GPC5: variants seen among roughly 807,000 people sequenced by gnomAD.
The protein encoded by GPC5 is glypican 5, also known as glypican-5.
A neutral mutation model predicts 53.9 loss-of-function variants in GPC5; 47 were observed. The ratio of observed to expected loss-of-function variants is 0.87; its 90% CI spans 0.69 to 1.11. The LOEUF (loss-of-function observed/expected upper bound fraction) is 1.11, where lower values mean the gene tolerates loss of function less well. GPC5 is among the 50% of genes most tolerant of loss of function. The probability of loss-of-function intolerance (pLI) is 0.00; values close to 1 mark genes in which losing one functional copy is unlikely to be tolerated. For synonymous variants in GPC5, 286 were observed against 263.3 expected, an observed-to-expected ratio of 1.09 and a Z score of -0.84; for missense variants, 748 against 713.1, an observed-to-expected ratio of 1.05 and a Z score of -0.56.
chr13:92,285,188 G>A (rs1471718609), intron 7 of GPC5, among the ~76,000 whole-genome samples: 14 of 152,122 alleles, frequency 9.2e-5, no homozygotes, highest in Admixed American at 5.9e-4. Context: ...TACAAGGGAC[G>A]TGAAGGACCT....
At chr13:92,756,785 GA>G (rs1874898379) in intron 7 of GPC5, among the ~76,000 whole-genome samples, 1 of 149,502 alleles carries the variant, frequency 6.7e-6, no homozygotes. Context: ...GGATGTGAAG[GA>G]CCTCTTCAAG....
At chr13:92,754,737 C>T (rs1384291296) in intron 7 of GPC5, among the ~76,000 whole-genome samples, 1 of 151,490 alleles carries the variant, frequency 6.6e-6, no homozygotes, top group Non-Finnish European at 1.5e-5. Context: ...CAAAGAAGGC[C>T]ATTACATAAT....
intron 6 of GPC5, among the ~76,000 whole-genome samples, chr13:92,091,266 A>G (rs1229008877): frequency 6.6e-6 from 1 of 152,192 alleles, no homozygotes; most frequent in African/African-American, 2.4e-5. Context: ...TTTTTAAGTG[A>G]TAATTTTCTC....
At chr13:91,717,838 A>AGCCACCGCGCCTGGCCTGC (rs1429048654) in intron 3 of GPC5, among the ~76,000 whole-genome samples, 26 of 152,010 alleles carry the variant, frequency 1.7e-4, no homozygotes, top group African/African-American at 6.0e-4. Flanking sequence ...TACAGGCGTG[A>AGCCACCGCGCCTGGCCTGC]GCCACCGCGC....
chr13:91,653,649 T>C (rs1320597019), intron 2 of GPC5, among the ~76,000 whole-genome samples: 1 of 152,110 alleles, frequency 6.6e-6, no homozygotes. Context: ...CAGAACAATG[T>C]TGAGAACACT....
chr13:91,977,980 AAAGAAAAG>A (rs2040321832), intron 6 of GPC5, among the ~76,000 whole-genome samples: 1 of 139,744 alleles, frequency 7.2e-6, no homozygotes, highest in Non-Finnish European at 1.5e-5. Context: ...AGAAAGAAAG[AAAGAAAAG>A]AAAAAAAAAA....
rs1391916825 is a variant in GPC5, at chr13:92,192,340, G to A, written c.1561+47351G>A. Among the ~76,000 whole-genome samples the A allele has an allele frequency of 4.6e-5, 7 of 152,242 alleles. No individual in the cohort carries two copies. The East Asian group carries it at 1.4e-3, about 29-fold the overall frequency. On this transcript the variant is annotated intron_variant, in intron 7 of 7. Coordinates refer to ENST00000377067, the MANE Select transcript of GPC5 (RefSeq NM_004466.6). ...GGAAGGTGTGCGAGTGGGGTTGGGA[G>A]TATATAGGAACTCTGTACTTTCCAT...
At chr13:92,628,646 G>A (rs1885134476) in intron 7 of GPC5, among the ~76,000 whole-genome samples, 1 of 152,072 alleles carries the variant, frequency 6.6e-6, no homozygotes, top group Admixed American at 6.6e-5. Flanking sequence ...TTAAAATGGT[G>A]GGCATGGATT....
intron 7 of GPC5, chr13:92,339,862 C>T (rs964650517): frequency 6.6e-6 from 1 of 152,098 alleles, no homozygotes; most frequent in Non-Finnish European, 1.5e-5. Flanking sequence ...AATTATCAGA[C>T]AGCTGATTAT....
At chr13:92,608,379 C>T (rs1223964429) in intron 7 of GPC5, among the ~76,000 whole-genome samples, 1 of 152,200 alleles carries the variant, frequency 6.6e-6, no homozygotes, top group Non-Finnish European at 1.5e-5. Flanking sequence ...TATGCTACTT[C>T]TTCCTCCACC....
chr13:92,862,988 G>T (rs1346080035), intron 7 of GPC5, among the ~76,000 whole-genome samples: 1 of 152,064 alleles, frequency 6.6e-6, no homozygotes. Flanking sequence ...GATTCATCAG[G>T]CCATTCTGAT....
chr13:92,229,161 A>G (rs1314561482), intron 7 of GPC5, among the ~76,000 whole-genome samples: 1 of 152,104 alleles, frequency 6.6e-6, no homozygotes, highest in Non-Finnish European at 1.5e-5. Context: ...GGAAAGGGGA[A>G]GTGTTAAAGA....
At chr13:91,478,578 A>C (rs983064890) in intron 2 of GPC5, among the ~76,000 whole-genome samples, 1 of 151,378 alleles carries the variant, frequency 6.6e-6, no homozygotes, top group Admixed American at 6.6e-5. Flanking sequence ...TGTTACTGTA[A>C]ATGATTGAAT....
intron 6 of GPC5, among the ~76,000 whole-genome samples, chr13:92,033,750 CT>C (rs1249274408): frequency 6.6e-6 from 1 of 152,062 alleles, no homozygotes; most frequent in African/African-American, 2.4e-5. Context: ...GATTTCCTTC[CT>C]CAGTTTGAGC....
At chr13:92,480,070 TG>T (rs1351543822) in intron 7 of GPC5, among the ~76,000 whole-genome samples, 1 of 152,098 alleles carries the variant, frequency 6.6e-6, no homozygotes, top group Non-Finnish European at 1.5e-5. Flanking sequence ...GAGGATCACT[TG>T]AGGCCAGGAG....
chr13:92,272,777 T>G (rs1277988924), intron 7 of GPC5, among the ~76,000 whole-genome samples: 2 of 152,016 alleles, frequency 1.3e-5, no homozygotes, highest in African/African-American at 4.8e-5. Flanking sequence ...CAGAACAAAG[T>G]GGAATAATTA....
chr13:91,890,238 T>C (rs1229348564), intron 5 of GPC5, among the ~76,000 whole-genome samples: 3 of 152,190 alleles, frequency 2.0e-5, no homozygotes, highest in Non-Finnish European at 4.4e-5. Flanking sequence ...GTAGTTCTTG[T>C]TATCAGGCAT....
chr13:91,742,894 GA>G (rs2036966526), intron 4 of GPC5, among the ~76,000 whole-genome samples: 1 of 152,102 alleles, frequency 6.6e-6, no homozygotes, highest in African/African-American at 2.4e-5. Flanking sequence ...ACTACAGAAA[GA>G]ATAATAAGTA....
At chr13:92,681,755 T>G (rs1394056848) in intron 7 of GPC5, among the ~76,000 whole-genome samples, 1 of 152,130 alleles carries the variant, frequency 6.6e-6, no homozygotes, top group Admixed American at 6.6e-5. Flanking sequence ...ATACTTAAAT[T>G]TTTTCCTAGA....
Sources: gnomAD v4.1 joint callset for allele counts (sites outside exome capture counted in the v4.1 genomes callset) on GRCh38, gnomAD v4.1.1 for gene constraint, MANE v1.5 for transcripts, NCBI Gene and HGNC (gene_info 2026-07-23, HGNC 2026-07-21) for gene names.